Variants in LCN8 observed in about 807,000 individuals in gnomAD.
The protein encoded by LCN8 is lipocalin 8.
Under a neutral mutation model 22.8 loss-of-function variants are expected in LCN8, and 16 were observed. The ratio of observed to expected loss-of-function variants is 0.70; its 90% CI spans 0.47 to 1.06. The LOEUF is 1.06. LCN8 is among the 50% of genes least tolerant of loss of function. The pLI is 0.00. For synonymous variants in LCN8, 92 were observed against 83.4 expected, an observed-to-expected ratio of 1.10 and a Z score of -0.56; for missense variants, 189 against 203.3, an observed-to-expected ratio of 0.93 and a Z score of 0.43.
intron 1 of LCN8, 164 bp from the exon 2 acceptor site, chr9:136,757,332 A>G (rs1847232715): frequency 6.9e-7 from 1 of 1,450,344 alleles, no homozygotes; most frequent in Non-Finnish European, 9.0e-7. Flanking sequence ...CACTGTCCCC[A>G]GGCATGTGTC....
intron 3 of LCN8, chr9:136,756,234 G>A: frequency 1.5e-6 from 2 of 1,325,606 alleles, no homozygotes; most frequent in Non-Finnish European, 2.0e-6. Context: ...GCAGGGAACA[G>A]TGCAGGGAAC....
At chr9:136,756,953 C>T (rs1847221944) in intron 2 of LCN8, 85 bp downstream of exon 2, 2 of 1,486,072 alleles carry the variant, frequency 1.3e-6, no homozygotes, top group Non-Finnish European at 1.8e-6. Context: ...CAGCCCAGAC[C>T]CCACGCTGCA....
Position 136,754,402 on chromosome 9 carries a change from T to C in LCN8, c.*96A>G. The stretch of plus-strand genomic sequence containing the variant: ...GGCAGTGGCTTGACTTCACAGTTTA[T>C]TCAGAGCAGGTGCAGGTGACCTGGT... On this transcript the variant is annotated 3_prime_UTR_variant, in exon 7 of 7. Coordinates refer to ENST00000371688, the MANE Select transcript of LCN8 (RefSeq NM_178469.4). The C allele has an allele frequency of 6.5e-7, 1 of 1,529,772 alleles. No homozygotes were observed. The highest frequency in any genetic ancestry group is 8.8e-7 in the Non-Finnish European group (1 of 1,139,468). The allele number at this position is 1,529,772 out of a possible 1,614,324, so 94.8% of individuals were successfully genotyped here. A position where few individuals can be genotyped will look rare whatever the true frequency, so the allele number is the denominator to read the frequency against.
rs1847156349 is a variant in LCN8, at chr9:136,755,248, C to A, written c.417G>T (p.Arg139=). 1.9e-6 allele frequency: 3 copies of A among 1,612,618 alleles called. No individual in the cohort carries two copies. Among genetic ancestry groups the A allele is most frequent in the Non-Finnish European group, 2.5e-6 (3 of 1,179,894 alleles). The change falls in exon 5 of 7, where the codon CGG becomes CGT. Residue 139 remains arginine (R), a synonymous_variant. Coordinates refer to ENST00000371688, the MANE Select transcript of LCN8 (RefSeq NM_178469.4). ...CCCCAAGGCCCCTGGGCTCACCAGG[C>A]CGGGCCGCCAGGTAGAGACCAGTGT... The part of the protein sequence containing the change: ...TADTGLYLAA[R]PGRCAELLKE...
upstream of LCN8, chr9:136,758,531 C>A (rs1847260557): frequency 6.1e-6 from 6 of 989,532 alleles, no homozygotes; most frequent in Non-Finnish European, 4.8e-6. Flanking sequence ...AGGGCCTCTG[C>A]TGCACCAGGC....
In LCN8 at chr9:136,755,515, G is replaced by T. The variant is rs138807960; in HGVS notation, c.228C>A (p.Gly76=). ...IDSTGKFAFP[G]HREIHVLDTD... ...TGTCCAGCACGTGGATCTCTCTGTG[G>T]CCTTCAAGAGCCGGCCATGGCGTTG... The change falls in exon 4 of 7, where the codon GGC becomes GGA. Residue 76 remains glycine (G), a splice_region_variant and synonymous_variant. Coordinates refer to ENST00000371688, the MANE Select transcript of LCN8 (RefSeq NM_178469.4). The T allele has an allele frequency of 1.9e-4, 307 of 1,610,872 alleles. No individual in the cohort carries two copies. Among genetic ancestry groups the T allele is most frequent in the Non-Finnish European group, 2.5e-4 (289 of 1,179,126 alleles).
chr9:136,758,316 C>G (rs2131094154), upstream of LCN8: 1 of 1,142,698 alleles, frequency 8.8e-7, no homozygotes, highest in African/African-American at 1.6e-5. Context: ...GACCCCCACC[C>G]CACATGACAC....
intron 6 of LCN8, 74 bp downstream of exon 6, chr9:136,755,061 C>A (rs966810208): frequency 2.3e-5 from 34 of 1,449,998 alleles, no homozygotes; most frequent in Non-Finnish European, 3.1e-5. Context: ...GCCACGGGGG[C>A]TCCTGACAGG....
chr9:136,756,616 C>T (rs762846845), intron 2 of LCN8, 24 bp from the exon 3 acceptor site: 11 of 1,611,186 alleles, frequency 6.8e-6, no homozygotes, highest in South Asian at 2.2e-5. Flanking sequence ...AAGTGCCCAT[C>T]GGTAAAATGC....
At position 136,755,012 on chromosome 9, in the gene LCN8, G is replaced by A. The variant is rs553683165; in HGVS notation, c.447+123C>T. Reference sequence around the variant, plus strand: ...GTGGTGTTTGGTGTCCTGTTCACAGGAAGGGGTGAGAAGGCCCAGCCCAGG... The same window carrying A: ...GTGGTGTTTGGTGTCCTGTTCACAGAAAGGGGTGAGAAGGCCCAGCCCAGG... On this transcript the variant is annotated intron_variant, in intron 6 of 6. Coordinates refer to ENST00000371688, the MANE Select transcript of LCN8 (RefSeq NM_178469.4). 43 of 1,436,514 alleles carry A rather than the reference G, an allele frequency of 3.0e-5. No homozygotes were observed. The African/African-American group carries it at 5.9e-4, about 20-fold the overall frequency. The allele number at this position is 1,436,514 out of a possible 1,614,324, so 89.0% of individuals were successfully genotyped here.
At chr9:136,757,240 C>T in intron 1 of LCN8, 72 bp from the exon 2 acceptor site, 1 of 1,560,068 alleles carries the variant, frequency 6.4e-7, no homozygotes, top group Non-Finnish European at 8.7e-7. Context: ...CCACGAACCC[C>T]CGGGCAGGGG....
chr9:136,758,053 C>T lies in LCN8; in HGVS notation c.-123G>A, dbSNP rs913341510. On this transcript the variant is annotated 5_prime_UTR_variant, in exon 1 of 7. Transcript: ENST00000371688. Reference sequence around the variant, plus strand: ...CTGCACAGCCTGGGCCGATTCTATACGGACAGTGCAGGCTTGTGCGCCCAC... The same window carrying T: ...CTGCACAGCCTGGGCCGATTCTATATGGACAGTGCAGGCTTGTGCGCCCAC... 7.0e-5 allele frequency: 107 copies of T among 1,539,540 alleles called. No individual in the cohort carries two copies. The highest frequency in any genetic ancestry group is 1.8e-4 in the Admixed American group (9 of 51,016).
intron 3 of LCN8, 43 bp downstream of exon 3, chr9:136,756,479 C>T (rs1309984254): frequency 1.2e-6 from 2 of 1,613,876 alleles, no homozygotes; most frequent in African/African-American, 1.3e-5. Flanking sequence ...TAGCTGTGTG[C>T]ACAGCCGGGT....
chr9:136,755,640 A>G, intron 3 of LCN8, 124 bp from the exon 4 acceptor site: 2 of 1,502,840 alleles, frequency 1.3e-6, no homozygotes. Context: ...GGTTGGAGAC[A>G]CTACAGAAGC....
At position 136,758,167 on chromosome 9, in the gene LCN8, C is replaced by A; in HGVS notation, c.-237G>T. ...GCCATCGGCCCTGGTGACACCCACGCCCACCGCAGGGGTTAGCCTGGCCTA... is the reference window on the plus strand; with the variant it reads ...GCCATCGGCCCTGGTGACACCCACGACCACCGCAGGGGTTAGCCTGGCCTA... On this transcript the variant is annotated 5_prime_UTR_variant, in exon 1 of 7. Transcript: ENST00000371688. The A allele has an allele frequency of 7.0e-7, 1 of 1,429,838 alleles. No individual in the cohort carries two copies. Among genetic ancestry groups the A allele is most frequent in the Non-Finnish European group, 9.2e-7 (1 of 1,092,158 alleles). 88.6% of individuals were successfully genotyped at this position (1,429,838 alleles called of 1,614,324 possible). A position where few individuals can be genotyped will look rare whatever the true frequency, so the allele number is the denominator to read the frequency against.
chr9:136,757,365 C>T (rs1847233091), intron 1 of LCN8, 197 bp from the exon 2 acceptor site: 1 of 1,432,950 alleles, frequency 7.0e-7, no homozygotes, highest in Admixed American at 2.8e-5. Context: ...GCCTTCAGGC[C>T]ATCAGACAGC....
chr9:136,758,160 AC>A lies in LCN8; in HGVS notation c.-231del. The stretch of plus-strand genomic sequence containing the variant: ...CACAAGCGCCATCGGCCCTGGTGAC[AC>A]CCACGCCCACCGCAGGGGTTAGCCT... On this transcript the variant is annotated 5_prime_UTR_variant, in exon 1 of 7. Coordinates refer to ENST00000371688, the MANE Select transcript of LCN8 (RefSeq NM_178469.4). 1 of 1,429,696 alleles carries A rather than the reference AC, an allele frequency of 7.0e-7. No homozygotes were observed. 88.6% of individuals were successfully genotyped at this position (1,429,696 alleles called of 1,614,324 possible). A position where few individuals can be genotyped will look rare whatever the true frequency, so the allele number is the denominator to read the frequency against.
chr9:136,755,268 C>A lies in LCN8; in HGVS notation c.397G>T (p.Gly133Cys), dbSNP rs1178606530. The change falls in exon 5 of 7, where the codon GGT (glycine) becomes TGT (cysteine). Residue 133 changes from glycine (G) to cysteine (C), a missense_variant. Transcript: ENST00000371688. ...CCAGGCCGGGCCGCCAGGTAGAGAC[C>A]AGTGTCTGCTGTCAGCTCCCGAAAC... is the stretch of plus-strand genomic sequence containing the variant. ...WKFRELTADT[G>C]LYLAARPGRC... The A allele has an allele frequency of 5.0e-6, 8 of 1,612,262 alleles. No homozygotes were observed. The highest frequency in any genetic ancestry group is 6.8e-6 in the Non-Finnish European group (8 of 1,180,004).
intron 2 of LCN8, 93 bp from the exon 3 acceptor site, chr9:136,756,685 G>T: frequency 1.3e-6 from 2 of 1,538,150 alleles, no homozygotes; most frequent in Admixed American, 1.8e-5. Flanking sequence ...TTTAGGAAGG[G>T]CACAGGCAGC....
Sources: gnomAD v4.1 joint callset for allele counts on GRCh38, gnomAD v4.1.1 for gene constraint, MANE v1.5 for transcripts, NCBI Gene and HGNC (gene_info 2026-07-23, HGNC 2026-07-21) for gene names.